TENM2: variants seen among roughly 807,000 people sequenced by gnomAD.
The protein encoded by TENM2 is teneurin-2.
Under a neutral mutation model 245.2 loss-of-function variants are expected in TENM2, and 52 were observed. The observed-to-expected ratio is 0.21, with a 90% confidence interval of 0.17 to 0.27. TENM2 has a LOEUF of 0.27. TENM2 is among the 10% of genes least tolerant of loss of function. The pLI is 1.00. For synonymous variants in TENM2, 1,363 were observed against 1,438.9 expected (o/e 0.95, Z 1.19); for missense variants, 3,046 against 3,666.8 (o/e 0.83, Z 4.37).
chr5:168,091,736 G>A (rs1487043383), intron 8 of TENM2, among the ~76,000 whole-genome samples: 1 of 152,194 alleles, frequency 6.6e-6, no homozygotes, highest in African/African-American at 2.4e-5. Context: ...CACTGCCCTT[G>A]TACAACACCA....
At chr5:167,138,947 C>G in the TENM2 span, among the ~76,000 whole-genome samples, 5 of 152,250 alleles carry the variant, frequency 3.3e-5, no homozygotes, top group Admixed American at 3.3e-4. Context: ...TATATGGTTT[C>G]TGGGAAAGAC....
intron 3 of TENM2, chr5:167,952,240 A>G: frequency 2.7e-6 from 1 of 370,354 alleles, no homozygotes; most frequent in Non-Finnish European, 5.0e-6. Context: ...TGGAAAGGGA[A>G]TAGGGACTTG....
intron 2 of TENM2, among the ~76,000 whole-genome samples, chr5:167,696,749 A>G (rs987310758): frequency 6.6e-6 from 1 of 151,942 alleles, no homozygotes; most frequent in Non-Finnish European, 1.5e-5. Flanking sequence ...TCAAAACCAC[A>G]CTTTGTCGGA....
At chr5:167,650,277 A>G (rs1050744522) in intron 2 of TENM2, among the ~76,000 whole-genome samples, 12 of 152,192 alleles carry the variant, frequency 7.9e-5, no homozygotes, top group African/African-American at 2.9e-4. Flanking sequence ...CATAATTGGA[A>G]ATTAATTTTC....
chr5:168,237,925 A>G (rs1224097358), intron 25 of TENM2, among the ~76,000 whole-genome samples: 1 of 151,406 alleles, frequency 6.6e-6, no homozygotes, highest in Non-Finnish European at 1.5e-5. Flanking sequence ...GGCAGATCAC[A>G]AGGTCAGGAG....
intron 2 of TENM2, among the ~76,000 whole-genome samples, chr5:167,872,548 G>GAAAGAAAGAAAGAAAGAGAAAGAA (rs1313191288): frequency 1.5e-5 from 1 of 65,536 alleles, no homozygotes; most frequent in African/African-American, 4.4e-5. Flanking sequence ...AAGAAAGAAA[G>GAAAGAAAGAAAGAAAGAGAAAGAA]AGAAAGAAAG....
intron 1 of TENM2, among the ~76,000 whole-genome samples, chr5:167,324,277 C>T (rs1756952798): frequency 1.3e-5 from 2 of 152,112 alleles, no homozygotes; most frequent in Admixed American, 6.5e-5. Context: ...AGCATGCACT[C>T]TAGGAGAGAA....
At chr5:168,004,813 C>T (rs1236687857) in intron 5 of TENM2, among the ~76,000 whole-genome samples, 1 of 147,836 alleles carries the variant, frequency 6.8e-6, no homozygotes, top group African/African-American at 2.5e-5. Flanking sequence ...CCAGATTTAT[C>T]CTGCTCTGTC....
chr5:167,945,516 A>G (rs1779541828), intron 3 of TENM2, among the ~76,000 whole-genome samples: 1 of 152,190 alleles, frequency 6.6e-6, no homozygotes, highest in African/African-American at 2.4e-5. Context: ...GGTGCTTACT[A>G]AATGGGAGCT....
chr5:168,090,706 C>T, exon 8 of TENM2: 2 of 1,613,922 alleles, frequency 1.2e-6, no homozygotes, highest in South Asian at 1.1e-5. Flanking sequence ...GGGCCTGTGG[C>T]ATCTGGCCTT....
the TENM2 span, among the ~76,000 whole-genome samples, chr5:167,218,939 A>G: frequency 6.6e-5 from 10 of 152,172 alleles, no homozygotes; most frequent in Non-Finnish European, 8.8e-5. Flanking sequence ...TACTTGCCCA[A>G]TGTCACATAG....
intron 1 of TENM2, among the ~76,000 whole-genome samples, chr5:167,367,191 C>G (rs1054606576): frequency 6.6e-6 from 1 of 152,014 alleles, no homozygotes. Flanking sequence ...CTTGGTGTTT[C>G]CTTGATTTAG....
At chr5:167,470,088 T>C (rs544595737) in intron 2 of TENM2, among the ~76,000 whole-genome samples, 196 of 152,302 alleles carry the variant, frequency 1.3e-3, no homozygotes, top group Non-Finnish European at 2.5e-3. Flanking sequence ...AAATAGTTTA[T>C]TGGAAAAAGA....
At chr5:167,225,576 T>C in the TENM2 span, among the ~76,000 whole-genome samples, 9 of 152,200 alleles carry the variant, frequency 5.9e-5, no homozygotes, top group African/African-American at 2.2e-4. Flanking sequence ...TAATATTTTG[T>C]TGAGAATTGT....
intron 3 of TENM2, among the ~76,000 whole-genome samples, chr5:167,916,576 C>G (rs1489983834): frequency 6.6e-6 from 1 of 152,140 alleles, no homozygotes; most frequent in East Asian, 1.9e-4. Context: ...ATACTCACTT[C>G]AAAGCCAGCT....
intron 2 of TENM2, among the ~76,000 whole-genome samples, chr5:167,788,123 C>G (rs1197099308): frequency 6.6e-6 from 1 of 152,174 alleles, no homozygotes; most frequent in East Asian, 1.9e-4. Context: ...AAGACACATG[C>G]ATAGCTGTTA....
chr5:167,353,894 C>T (rs1403972902), intron 1 of TENM2, among the ~76,000 whole-genome samples: 1 of 152,006 alleles, frequency 6.6e-6, no homozygotes, highest in Non-Finnish European at 1.5e-5. Flanking sequence ...GATGTTGAAA[C>T]CAAATGAATG....
intron 2 of TENM2, among the ~76,000 whole-genome samples, chr5:167,863,423 T>TG (rs1772009198): frequency 6.6e-6 from 1 of 151,756 alleles, no homozygotes; most frequent in South Asian, 2.1e-4. Flanking sequence ...GAGACCAGTC[T>TG]GGCCAACATG....
At chr5:167,188,297 C>T in the TENM2 span, among the ~76,000 whole-genome samples, 7 of 152,278 alleles carry the variant, frequency 4.6e-5, no homozygotes, top group East Asian at 5.8e-4. Flanking sequence ...AGGCCAATGC[C>T]GTTCTTCAGC....
Sources: allele counts gnomAD v4.1 joint callset (sites outside exome capture counted in the v4.1 genomes callset), GRCh38; gene constraint gnomAD v4.1.1; transcripts MANE v1.5; gene names NCBI Gene and HGNC (gene_info 2026-07-23, HGNC 2026-07-21).